Variants in GPATCH2 observed in about 807,000 individuals in gnomAD.
GPATCH2 encodes the protein G patch domain-containing protein 2.
A neutral mutation model predicts 58.0 loss-of-function variants in GPATCH2; 51 were observed. That is an observed-to-expected ratio of 0.88 (90% CI 0.70 to 1.11). GPATCH2 has a LOEUF of 1.11. Among genes scored for constraint, GPATCH2 ranks in the 50% most tolerant of loss-of-function variants. The probability of loss-of-function intolerance (pLI) is 0.00; values close to 1 mark genes in which losing one functional copy is unlikely to be tolerated. For synonymous variants in GPATCH2, 222 were observed against 218.5 expected (o/e 1.02, Z -0.14); for missense variants, 625 against 652.2 (o/e 0.96, Z 0.45).
intron 5 of GPATCH2, among the ~76,000 whole-genome samples, chr1:217,584,917 A>G (rs1269837509): frequency 6.6e-6 from 1 of 152,176 alleles, no homozygotes; most frequent in Non-Finnish European, 1.5e-5. Context: ...CAAAAGATAT[A>G]CTAAAACAAA....
intron 1 of GPATCH2, among the ~76,000 whole-genome samples, chr1:217,622,868 A>G (rs112207081): frequency 6.6e-6 from 1 of 152,144 alleles, no homozygotes; most frequent in Non-Finnish European, 1.5e-5. Context: ...AGAACATTGA[A>G]TTTGATTAAA....
chr1:217,531,944 C>A (rs533156621), intron 5 of GPATCH2, among the ~76,000 whole-genome samples: 61 of 152,288 alleles, frequency 4.0e-4, no homozygotes, highest in African/African-American at 1.4e-3. Flanking sequence ...CCAATTATTT[C>A]TTGAATTGTT....
intron 2 of GPATCH2, among the ~76,000 whole-genome samples, chr1:217,614,969 G>A (rs1245799747): frequency 6.6e-6 from 1 of 151,800 alleles, no homozygotes; most frequent in Non-Finnish European, 1.5e-5. Context: ...GGAGAACAAA[G>A]TCATATAATA....
chr1:217,571,111 T>C (rs1161570838), intron 5 of GPATCH2, among the ~76,000 whole-genome samples: 1 of 152,192 alleles, frequency 6.6e-6, no homozygotes, highest in East Asian at 1.9e-4. Flanking sequence ...TCAAGTTTAA[T>C]TATATCAGAC....
rs1571821375 is a variant in GPATCH2 at position 217,504,094 on chromosome 1, G to A, written c.1167-5699C>T. ...AATTAGGATAGCTGAGGTTGATGCA[G>A]GAAAGAAAGACTAATTCAAGCGCCA... On this transcript the variant is annotated intron_variant, in intron 6 of 9. Transcript: ENST00000366935. Among the ~76,000 whole-genome samples the A allele has an allele frequency of 3.3e-5, 5 of 152,232 alleles. 1 individual carries two copies.
intron 5 of GPATCH2, among the ~76,000 whole-genome samples, chr1:217,596,410 G>A (rs1667830298): frequency 6.6e-6 from 1 of 152,160 alleles, no homozygotes; most frequent in East Asian, 1.9e-4. Flanking sequence ...CTGTGACCTT[G>A]AACAAGTCAT....
At chr1:217,539,215 A>T (rs2102640273) in intron 5 of GPATCH2, among the ~76,000 whole-genome samples, 1 of 152,332 alleles carries the variant, frequency 6.6e-6, no homozygotes, top group East Asian at 1.9e-4. Flanking sequence ...GGCTAATTTC[A>T]GAATGGGAAG....
chr1:217,576,671 C>T (rs1434677590), intron 5 of GPATCH2, among the ~76,000 whole-genome samples: 1 of 152,142 alleles, frequency 6.6e-6, no homozygotes, highest in African/African-American at 2.4e-5. Flanking sequence ...AAGATGTTGG[C>T]TATGAGGTTT....
chr1:217,622,417 T>C (rs1038282318), intron 1 of GPATCH2, among the ~76,000 whole-genome samples: 1 of 152,244 alleles, frequency 6.6e-6, no homozygotes, highest in African/African-American at 2.4e-5. Context: ...ATGTATTTAA[T>C]ATAAACAAAA....
intron 5 of GPATCH2, among the ~76,000 whole-genome samples, chr1:217,517,480 G>A (rs1357593883): frequency 1.3e-5 from 2 of 152,024 alleles, no homozygotes; most frequent in Non-Finnish European, 2.9e-5. Flanking sequence ...TTGGCTTATG[G>A]AAAGCAGTGT....
chr1:217,522,432 G>T lies in GPATCH2; in HGVS notation c.1099-7543C>A, dbSNP rs114890926. Among the ~76,000 whole-genome samples the T allele has an allele frequency of 6.4e-3, 980 of 152,166 alleles. 14 individuals carry two copies. The highest frequency in any genetic ancestry group is 0.022 in the African/African-American group (907 of 41,520). On this transcript the variant is annotated intron_variant, in intron 5 of 9. Coordinates refer to ENST00000366935, the MANE Select transcript of GPATCH2 (RefSeq NM_018040.5). ...AATGATGCCCAATAGTGATAGTAAA[G>T]AATTTCACTTTGCCGTCCAGTTTTA...
At position 217,577,431 on chromosome 1, in the gene GPATCH2, T is replaced by C. The variant is rs147476823; in HGVS notation, c.1098+32890A>G. Among the ~76,000 whole-genome samples, 614 of 152,334 alleles carry C rather than the reference T, an allele frequency of 4.0e-3. 2 individuals carry two copies. Among genetic ancestry groups the C allele is most frequent in the Non-Finnish European group, 6.9e-3 (467 of 68,022 alleles). ...GACCTTAAGGAAATTACTTAACCTATGTCTTCATTTCCCAATCTGTAAAAC... is the reference window on the plus strand; with the variant it reads ...GACCTTAAGGAAATTACTTAACCTACGTCTTCATTTCCCAATCTGTAAAAC... On this transcript the variant is annotated intron_variant, in intron 5 of 9. Transcript: ENST00000366935.
intron 5 of GPATCH2, among the ~76,000 whole-genome samples, chr1:217,604,021 A>G (rs949452682): frequency 5.9e-5 from 9 of 152,276 alleles, no homozygotes; most frequent in African/African-American, 1.9e-4. Flanking sequence ...TCTAAGATAC[A>G]GAATCAAGTT....
chr1:217,539,457 G>T (rs1369088651), intron 5 of GPATCH2, among the ~76,000 whole-genome samples: 2 of 152,122 alleles, frequency 1.3e-5, no homozygotes, highest in African/African-American at 4.8e-5. Context: ...ACAATGGCAG[G>T]TCAAACTTTT....
At chr1:217,451,573 C>T (rs145061193) in intron 8 of GPATCH2, among the ~76,000 whole-genome samples, 2,610 of 152,290 alleles carry the variant, frequency 0.017, 27 homozygotes, top group Middle Eastern at 0.037. Context: ...TTAACACATA[C>T]CCACTTTATA....
chr1:217,585,332 G>C (rs1667287956), intron 5 of GPATCH2, among the ~76,000 whole-genome samples: 1 of 152,036 alleles, frequency 6.6e-6, no homozygotes, highest in Non-Finnish European at 1.5e-5. Context: ...ACATGAATAA[G>C]AACAGCAGTG....
At chr1:217,615,366 T>C (rs1002981510) in intron 2 of GPATCH2, among the ~76,000 whole-genome samples, 1 of 152,076 alleles carries the variant, frequency 6.6e-6, no homozygotes, top group Admixed American at 6.6e-5. Context: ...CCAAATTAAG[T>C]GCATGTACAA....
chr1:217,507,187 A>G (rs1558442317), intron 6 of GPATCH2, among the ~76,000 whole-genome samples: 2 of 152,196 alleles, frequency 1.3e-5, no homozygotes, highest in Non-Finnish European at 1.5e-5. Context: ...TTCATCAACT[A>G]TGGTTGCTAT....
intron 8 of GPATCH2, among the ~76,000 whole-genome samples, chr1:217,476,229 G>T (rs927348435): frequency 5.0e-4 from 64 of 128,218 alleles, no homozygotes; most frequent in Non-Finnish European, 9.2e-4. Flanking sequence ...AAGAAATCCA[G>T]ATATGAGTGT....
Sources: gnomAD v4.1 joint callset for allele counts (sites outside exome capture counted in the v4.1 genomes callset) on GRCh38, gnomAD v4.1.1 for gene constraint, MANE v1.5 for transcripts, NCBI Gene and HGNC (gene_info 2026-07-23, HGNC 2026-07-21) for gene names.